Variants in RARB observed in about 807,000 individuals in gnomAD.
The protein encoded by RARB is HBV-activated protein.
Under a neutral mutation model 51.9 loss-of-function variants are expected in RARB, and 17 were observed. The ratio of observed to expected loss-of-function variants is 0.33; its 90% CI spans 0.22 to 0.49. The LOEUF (loss-of-function observed/expected upper bound fraction) is 0.49. RARB is among the 20% of genes least tolerant of loss of function. RARB has a pLI of 0.99. For synonymous variants in RARB, 215 were observed against 195.4 expected, an observed-to-expected ratio of 1.10 and a Z score of -0.84; for missense variants, 369 against 550.8, an observed-to-expected ratio of 0.67 and a Z score of 3.30.
intron 2 of RARB, among the ~76,000 whole-genome samples, chr3:25,026,975 GT>G (rs1697762863): frequency 7.9e-6 from 1 of 126,870 alleles, no homozygotes; most frequent in Admixed American, 8.3e-5. Context: ...TTTATTGTAA[GT>G]TTATAGAATT....
intron 2 of RARB, among the ~76,000 whole-genome samples, chr3:24,865,845 A>G (rs1408768618): frequency 2.6e-5 from 4 of 152,156 alleles, no homozygotes; most frequent in Non-Finnish European, 5.9e-5. Context: ...CTTTGACCTA[A>G]TTGTGCAGCC....
intron 2 of RARB, among the ~76,000 whole-genome samples, chr3:25,048,979 C>T (rs529118476): frequency 6.6e-6 from 1 of 152,200 alleles, no homozygotes; most frequent in East Asian, 1.9e-4. Flanking sequence ...GTCTCGATCT[C>T]CTGACCTTGT....
chr3:25,353,014 G>A (rs191615826), intron 5 of RARB, among the ~76,000 whole-genome samples: 3 of 152,280 alleles, frequency 2.0e-5, no homozygotes, highest in East Asian at 1.9e-4. Flanking sequence ...CTGAGCAAAC[G>A]CTAGTTGTGC....
At chr3:25,198,464 A>G (rs1414096143) in intron 5 of RARB, among the ~76,000 whole-genome samples, 1 of 152,166 alleles carries the variant, frequency 6.6e-6, no homozygotes, top group African/African-American at 2.4e-5. Context: ...AGAGGAAACA[A>G]TCAACAAAGT....
chr3:25,275,742 A>T (rs1703366757), intron 5 of RARB, among the ~76,000 whole-genome samples: 1 of 147,338 alleles, frequency 6.8e-6, no homozygotes, highest in South Asian at 2.2e-4. Flanking sequence ...ACTTGGACAC[A>T]GGAAGGGGAC....
At chr3:24,859,094 C>G (rs2125340576) in intron 2 of RARB, among the ~76,000 whole-genome samples, 1 of 148,814 alleles carries the variant, frequency 6.7e-6, no homozygotes, top group East Asian at 2.0e-4. Context: ...TTATTAGAAG[C>G]TATGGTCAGT....
rs77236072 is a variant in RARB at position 25,048,709 on chromosome 3, G to T, written c.-379-11416G>T. ...TGGCCACACTTCCATAATTTTAGGG[G>T]ATTAAAAACGGCATATTTCTGCAGA... On this transcript the variant is annotated intron_variant, in intron 2 of 11. Transcript: ENST00000383772. Among the ~76,000 whole-genome samples, 36 of 149,802 alleles carry T rather than the reference G, an allele frequency of 2.4e-4. 1 individual carries two copies. The East Asian group carries it at 7.1e-3, about 29-fold the overall frequency.
At chr3:24,849,317 G>A (rs1226867694) in intron 1 of RARB, among the ~76,000 whole-genome samples, 4 of 152,218 alleles carry the variant, frequency 2.6e-5, no homozygotes, top group Admixed American at 2.6e-4. Flanking sequence ...GCAGATAAGG[G>A]GGGAGCTACT....
intron 1 of RARB, among the ~76,000 whole-genome samples, chr3:24,831,560 C>T (rs1702282042): frequency 1.3e-5 from 2 of 151,826 alleles, no homozygotes; most frequent in Admixed American, 6.6e-5. Flanking sequence ...TTCTGTTTAC[C>T]ATCATTTGCA....
intron 5 of RARB, among the ~76,000 whole-genome samples, chr3:25,297,009 T>C (rs1422366737): frequency 6.6e-6 from 1 of 152,104 alleles, no homozygotes; most frequent in African/African-American, 2.4e-5. Context: ...ATTTCCTACC[T>C]AGATAGTGTC....
At chr3:25,194,838 T>G (rs990446551) in intron 5 of RARB, among the ~76,000 whole-genome samples, 6 of 152,082 alleles carry the variant, frequency 3.9e-5, no homozygotes, top group Middle Eastern at 3.4e-3. Context: ...CAAGTTTCTA[T>G]GATGGCCGCT....
intron 2 of RARB, among the ~76,000 whole-genome samples, chr3:24,957,271 A>C (rs1287679926): frequency 6.6e-6 from 1 of 152,222 alleles, no homozygotes; most frequent in Non-Finnish European, 1.5e-5. Flanking sequence ...TGCTGTTCTC[A>C]GGATACTGTG....
intron 5 of RARB, among the ~76,000 whole-genome samples, chr3:25,205,429 G>C (rs999611604): frequency 2.0e-5 from 3 of 152,110 alleles, no homozygotes; most frequent in African/African-American, 4.8e-5. Context: ...TGCATCCACT[G>C]TCCTGCACCC....
At chr3:25,181,436 A>G (rs1400474156) in intron 5 of RARB, among the ~76,000 whole-genome samples, 4 of 152,176 alleles carry the variant, frequency 2.6e-5, no homozygotes, top group African/African-American at 4.8e-5. Context: ...GATTGAATCA[A>G]TGGTTTTTGC....
intron 5 of RARB, among the ~76,000 whole-genome samples, chr3:25,341,091 A>G (rs762227046): frequency 5.9e-5 from 9 of 152,188 alleles, no homozygotes; most frequent in South Asian, 4.1e-4. Flanking sequence ...TGAACACTCA[A>G]CTTTGCCTCT....
intron 5 of RARB, among the ~76,000 whole-genome samples, chr3:25,182,496 A>G (rs1278060849): frequency 2.6e-5 from 4 of 152,188 alleles, no homozygotes; most frequent in African/African-American, 7.2e-5. Context: ...AATGTAGCCA[A>G]TGTCCCCAAG....
chr3:25,343,579 T>C (rs1474116953), intron 5 of RARB, among the ~76,000 whole-genome samples: 1 of 152,196 alleles, frequency 6.6e-6, no homozygotes, highest in Non-Finnish European at 1.5e-5. Flanking sequence ...TTTCCCAAAT[T>C]TATGTTCCAC....
intron 2 of RARB, among the ~76,000 whole-genome samples, chr3:24,985,607 G>C (rs1239329930): frequency 6.6e-6 from 1 of 152,184 alleles, no homozygotes; most frequent in African/African-American, 2.4e-5. Flanking sequence ...TGAACCTCCA[G>C]ATTGGCAAAG....
chr3:25,187,554 A>C (rs984150569), intron 5 of RARB, among the ~76,000 whole-genome samples: 2 of 152,058 alleles, frequency 1.3e-5, no homozygotes, highest in African/African-American at 4.8e-5. Flanking sequence ...GACAGGAGAA[A>C]GGGAAAGTTT....
Sources: gnomAD v4.1 joint callset for allele counts (sites outside exome capture counted in the v4.1 genomes callset) on GRCh38, gnomAD v4.1.1 for gene constraint, MANE v1.5 for transcripts, NCBI Gene and HGNC (gene_info 2026-07-23, HGNC 2026-07-21) for gene names.